Variants in ARHGAP32 observed in about 807,000 individuals in gnomAD.
ARHGAP32 encodes rho GTPase-activating protein 32.
ARHGAP32 carries 51 observed loss-of-function variants against 186.5 expected under a neutral mutation model. The observed-to-expected ratio is 0.27, with a 90% CI of 0.22 to 0.35. The LOEUF (loss-of-function observed/expected upper bound fraction) is 0.35. Among genes scored for constraint, ARHGAP32 ranks in the 10% least tolerant of loss-of-function variants. ARHGAP32 has a pLI of 1.00. For missense variants in ARHGAP32, 2,186 were observed against 2,623.5 expected (o/e 0.83, Z 3.64); for synonymous variants, 950 against 964.3 (o/e 0.99, Z 0.27).
intron 1 of ARHGAP32, among the ~76,000 whole-genome samples, chr11:129,264,214 T>C (rs1269615686): frequency 3.3e-5 from 5 of 152,100 alleles, no homozygotes; most frequent in Non-Finnish European, 7.4e-5. Context: ...AAACAGAAAG[T>C]AGAATGTGGT....
chr11:129,260,671 T>C (rs1419295320), intron 1 of ARHGAP32, among the ~76,000 whole-genome samples: 1 of 152,206 alleles, frequency 6.6e-6, no homozygotes, highest in African/African-American at 2.4e-5. Context: ...GTTTAAGCTG[T>C]CTACCTTAAA....
chr11:129,255,966 T>G (rs994223574), intron 1 of ARHGAP32, among the ~76,000 whole-genome samples: 1 of 152,112 alleles, frequency 6.6e-6, no homozygotes, highest in African/African-American at 2.4e-5. Context: ...CAACAGTAGA[T>G]AAGTTGAGAT....
intron 10 of ARHGAP32, among the ~76,000 whole-genome samples, chr11:129,047,824 A>G (rs902007807): frequency 9.9e-5 from 15 of 152,206 alleles, no homozygotes; most frequent in African/African-American, 3.6e-4. Flanking sequence ...CAATGAGTCA[A>G]TTAGTTTGTC....
chr11:129,152,410 A>G (rs1943307802), intron 2 of ARHGAP32, among the ~76,000 whole-genome samples: 1 of 152,124 alleles, frequency 6.6e-6, no homozygotes, highest in Admixed American at 6.6e-5. Flanking sequence ...CCAAATACCA[A>G]AACCAGGAAA....
At chr11:129,073,555 A>G (rs1940936776) in intron 6 of ARHGAP32, among the ~76,000 whole-genome samples, 1 of 152,166 alleles carries the variant, frequency 6.6e-6, no homozygotes, top group South Asian at 2.1e-4. Flanking sequence ...AGAAAAGACT[A>G]AAGAAAAGGA....
intron 1 of ARHGAP32, among the ~76,000 whole-genome samples, chr11:129,259,941 A>G (rs1345255710): frequency 6.6e-6 from 1 of 152,076 alleles, no homozygotes. Flanking sequence ...AAACAAGGAG[A>G]AAGCATATCC....
intron 1 of ARHGAP32, among the ~76,000 whole-genome samples, chr11:129,222,500 T>C (rs2135615846): frequency 6.6e-6 from 1 of 152,218 alleles, no homozygotes; most frequent in East Asian, 1.9e-4. Context: ...ACACCCTAAT[T>C]AAGTGTAAAA....
intron 2 of ARHGAP32, among the ~76,000 whole-genome samples, chr11:129,130,256 A>C (rs1250345866): frequency 6.6e-6 from 1 of 152,186 alleles, no homozygotes; most frequent in Admixed American, 6.5e-5. Context: ...TCAATCAATC[A>C]GAACAGTACA....
chr11:129,238,658 G>C (rs893092766), intron 1 of ARHGAP32, among the ~76,000 whole-genome samples: 4 of 152,030 alleles, frequency 2.6e-5, no homozygotes, highest in Non-Finnish European at 4.4e-5. Flanking sequence ...TGGGAGGACT[G>C]CTTGATCCCA....
intron 11 of ARHGAP32, among the ~76,000 whole-genome samples, chr11:129,028,578 A>G (rs907382501): frequency 6.6e-6 from 1 of 152,252 alleles, no homozygotes; most frequent in Non-Finnish European, 1.5e-5. Context: ...TTGATAGTAA[A>G]TACTAGGATG....
intron 21 of ARHGAP32, chr11:128,973,903 G>T (rs1945467720): frequency 3.5e-6 from 2 of 573,158 alleles, no homozygotes; most frequent in Admixed American, 6.8e-5. Context: ...AGAGATAAGG[G>T]GACTTTTGTG....
chr11:129,074,844 A>G (rs908459421), intron 6 of ARHGAP32, among the ~76,000 whole-genome samples: 11 of 152,178 alleles, frequency 7.2e-5, no homozygotes, highest in African/African-American at 2.7e-4. Context: ...GACAAAATGG[A>G]AACATATAAA....
At chr11:129,037,908 C>G (rs1939421285) in intron 11 of ARHGAP32, among the ~76,000 whole-genome samples, 1 of 151,794 alleles carries the variant, frequency 6.6e-6, no homozygotes, top group Admixed American at 6.6e-5. Flanking sequence ...TAAGACCAGC[C>G]TGGCCAACAT....
Position 129,164,323 on chromosome 11 carries a change from G to A in ARHGAP32, c.221C>T (p.Ala74Val). 1 of 1,533,702 alleles carries A rather than the reference G, an allele frequency of 6.5e-7. No individual in the cohort carries two copies. The highest frequency in any genetic ancestry group is 8.9e-7 in the Non-Finnish European group (1 of 1,126,810). The change falls in exon 2 of 23, where the codon GCA becomes GTA. Residue 74 changes from alanine to valine, a missense_variant. Ala to Val is a moderately conservative substitution (Grantham distance 64, BLOSUM62 0). This residue lies in a region of ARHGAP32 where 108 missense variants were observed against 116.8 expected (regional missense o/e 0.92). Transcript: ENST00000682385. ...ERPDWEETLS[A>V]MARGADVPEI... ...AATTGTATAAAACTGATTTACCATT[G>A]CGCTAAGAGTTTCTTCCCAATCAGG...
intron 1 of ARHGAP32, among the ~76,000 whole-genome samples, chr11:129,273,267 A>G (rs1210399660): frequency 6.6e-6 from 1 of 152,212 alleles, no homozygotes; most frequent in Non-Finnish European, 1.5e-5. Context: ...CACTGCTTGA[A>G]GCATGGCAGG....
rs368524665 is a variant in ARHGAP32, at chr11:128,972,435, A to G, written c.4053+18T>C. ...GGTAATAGTATATTTCATCTCACTG[A>G]TATCTTCCCCTTCTTACCTTGTGGG... On this transcript the variant is annotated intron_variant, in intron 22 of 22. Transcript: ENST00000682385. The G allele has an allele frequency of 8.4e-5, 126 of 1,508,720 alleles. No individual in the cohort carries two copies. The highest frequency in any genetic ancestry group is 1.5e-4 in the African/African-American group (11 of 71,526). 93.5% of individuals were successfully genotyped at this position (1,508,720 alleles called of 1,614,324 possible).
At chr11:129,019,960 A>C (rs1414808338) in intron 11 of ARHGAP32, among the ~76,000 whole-genome samples, 1 of 152,102 alleles carries the variant, frequency 6.6e-6, no homozygotes, top group African/African-American at 2.4e-5. Flanking sequence ...TAGAAAAGGA[A>C]ATTAAGCAGT....
intron 2 of ARHGAP32, among the ~76,000 whole-genome samples, chr11:129,157,514 A>G (rs951692365): frequency 6.6e-6 from 1 of 152,132 alleles, no homozygotes; most frequent in Non-Finnish European, 1.5e-5. Flanking sequence ...ATAAAGCGTG[A>G]AGACAAGATT....
chr11:128,988,673 A>G (rs942890026), intron 12 of ARHGAP32, among the ~76,000 whole-genome samples: 2 of 152,198 alleles, frequency 1.3e-5, no homozygotes, highest in African/African-American at 4.8e-5. Flanking sequence ...ATATAATGCA[A>G]AGCCCAAGGC....
Sources: allele counts gnomAD v4.1 joint callset (sites outside exome capture counted in the v4.1 genomes callset), GRCh38; gene constraint gnomAD v4.1.1; regional missense constraint gnomAD v4.1.1; transcripts MANE v1.5; gene names NCBI Gene and HGNC (gene_info 2026-07-23, HGNC 2026-07-21).